SLIT2: variants seen among roughly 807,000 people sequenced by gnomAD.
The protein encoded by SLIT2 is slit homolog 2 protein.
In SLIT2, 41 loss-of-function variants were observed where a neutral mutation model predicts 185.7. The observed-to-expected ratio is 0.22, with a 90% CI of 0.17 to 0.29. The LOEUF (loss-of-function observed/expected upper bound fraction) is 0.29, where lower values mean the gene tolerates loss of function less well. Among genes scored for constraint, SLIT2 ranks in the 10% least tolerant of loss-of-function variants. The pLI, the probability that SLIT2 is intolerant of heterozygous loss-of-function variation, is 1.00. For synonymous variants in SLIT2, 693 were observed against 680.2 expected (o/e 1.02, Z -0.29); for missense variants, 1,571 against 1,909.0 (o/e 0.82, Z 3.30).
intron 5 of SLIT2, among the ~76,000 whole-genome samples, chr4:20,471,748 G>T (rs1156623856): frequency 2.0e-5 from 3 of 152,088 alleles, no homozygotes. Context: ...CCAACAATAT[G>T]AAATTGATGC....
At chr4:20,354,229 A>G (rs1324899491) in intron 4 of SLIT2, among the ~76,000 whole-genome samples, 1 of 145,826 alleles carries the variant, frequency 6.9e-6, no homozygotes, top group Admixed American at 6.8e-5. Flanking sequence ...TTTTTTTTTT[A>G]ACTTTTCCTT....
At chr4:20,438,523 T>C (rs1577659683) in intron 4 of SLIT2, among the ~76,000 whole-genome samples, 1 of 152,240 alleles carries the variant, frequency 6.6e-6, no homozygotes, top group East Asian at 1.9e-4. Flanking sequence ...TCCCACTGGT[T>C]CCCTCCCATA....
intron 4 of SLIT2, among the ~76,000 whole-genome samples, chr4:20,388,774 AG>A (rs368626223): frequency 0.04 from 4,177 of 104,444 alleles, 217 homozygotes; most frequent in African/African-American, 0.14. Context: ...ACTCCGTCTC[AG>A]GGGAAAAAAA....
chr4:20,297,514 C>G (rs1163849709), intron 4 of SLIT2, among the ~76,000 whole-genome samples: 1 of 152,124 alleles, frequency 6.6e-6, no homozygotes, highest in Non-Finnish European at 1.5e-5. Flanking sequence ...AAACCAAGTA[C>G]AGTAAAATCT....
At chr4:20,305,656 T>C (rs930172538) in intron 4 of SLIT2, among the ~76,000 whole-genome samples, 6 of 151,844 alleles carry the variant, frequency 4.0e-5, no homozygotes, top group African/African-American at 1.2e-4. Flanking sequence ...GCAGATCACT[T>C]GAGATCAGGA....
intron 33 of SLIT2, among the ~76,000 whole-genome samples, chr4:20,599,953 A>G (rs1296149595): frequency 2.0e-5 from 3 of 152,210 alleles, no homozygotes; most frequent in Non-Finnish European, 4.4e-5. Context: ...GGAATTTGAT[A>G]TCCACCACTT....
chr4:20,615,217 G>C lies in SLIT2; in HGVS notation c.3848-1693G>C, dbSNP rs555746486. Reference sequence around the variant, plus strand: ...CTTACCCCAGGGCAAGGAATTTTCTGTCACCAGTCCTTTCCTGGAAATGGT... The same window carrying C: ...CTTACCCCAGGGCAAGGAATTTTCTCTCACCAGTCCTTTCCTGGAAATGGT... On this transcript the variant is annotated intron_variant, in intron 34 of 36. Coordinates refer to ENST00000504154, the MANE Select transcript of SLIT2 (RefSeq NM_004787.4). 11 of 152,302 alleles carry C rather than the reference G, an allele frequency of 7.2e-5. 1 individual carries two copies. The South Asian group carries it at 2.3e-3, about 32-fold the overall frequency. The allele number at this position is 152,302 out of a possible 1,614,324, so 9.4% of individuals were successfully genotyped here. A position where few individuals can be genotyped will look rare whatever the true frequency, so the allele number is the denominator to read the frequency against.
chr4:20,272,256 C>A (rs1713703397), intron 4 of SLIT2, among the ~76,000 whole-genome samples: 1 of 142,474 alleles, frequency 7.0e-6, no homozygotes. Context: ...AAATAAGGGA[C>A]GATAGGTTGG....
intron 23 of SLIT2, 132 bp from the exon 24 acceptor site, chr4:20,548,925 A>C: frequency 3.2e-6 from 2 of 616,558 alleles, no homozygotes; most frequent in Non-Finnish European, 5.8e-6. Flanking sequence ...CACACAAAAA[A>C]TAACAATATA....
intron 4 of SLIT2, chr4:20,364,202 G>C: frequency 1.2e-6 from 1 of 866,942 alleles, no homozygotes; most frequent in Non-Finnish European, 1.4e-6. Flanking sequence ...TGGAGCATTT[G>C]TGCCCTGTGG....
At chr4:20,584,056 GA>G (rs1726834601) in intron 29 of SLIT2, among the ~76,000 whole-genome samples, 1 of 151,950 alleles carries the variant, frequency 6.6e-6, no homozygotes, top group African/African-American at 2.4e-5. Context: ...AGCTAAGTGT[GA>G]TACTCCCTCT....
intron 4 of SLIT2, among the ~76,000 whole-genome samples, chr4:20,272,609 G>A (rs61790831): frequency 0.074 from 11,295 of 152,088 alleles, 566 homozygotes; most frequent in Non-Finnish European, 0.12. Context: ...GTAGTACTGC[G>A]GTTAGGCATT....
intron 29 of SLIT2, among the ~76,000 whole-genome samples, chr4:20,578,629 A>C (rs561139676): frequency 1.5e-3 from 229 of 152,284 alleles, no homozygotes; most frequent in Middle Eastern, 3.4e-3. Flanking sequence ...ATTTTTATCT[A>C]TTTCAAAGAG....
At chr4:20,403,318 C>T (rs1335212134) in intron 4 of SLIT2, among the ~76,000 whole-genome samples, 1 of 151,912 alleles carries the variant, frequency 6.6e-6, no homozygotes, top group Non-Finnish European at 1.5e-5. Context: ...TATATTGAAA[C>T]ATACTATTGG....
intron 33 of SLIT2, among the ~76,000 whole-genome samples, chr4:20,600,630 T>G (rs965838362): frequency 4.6e-5 from 7 of 151,934 alleles, no homozygotes; most frequent in African/African-American, 1.7e-4. Flanking sequence ...TTCACCGTGT[T>G]AGCCAGGATG....
chr4:20,503,253 A>G (rs1718897895), intron 9 of SLIT2, among the ~76,000 whole-genome samples: 1 of 152,198 alleles, frequency 6.6e-6, no homozygotes, highest in African/African-American at 2.4e-5. Context: ...TACAATGTGG[A>G]GAATAACTCA....
chr4:20,267,518 G>A (rs890719957), intron 3 of SLIT2, among the ~76,000 whole-genome samples: 11 of 151,726 alleles, frequency 7.2e-5, no homozygotes, highest in Non-Finnish European at 1.0e-4. Context: ...ACCTGGTCTC[G>A]CTTCTCACTT....
chr4:20,258,023 T>C (rs575412905), intron 3 of SLIT2, 84 bp downstream of exon 3: 1 of 725,262 alleles, frequency 1.4e-6, no homozygotes, highest in South Asian at 1.8e-5. Flanking sequence ...GTCTTCAATT[T>C]CATGTCTTAG....
At chr4:20,561,129 G>A (rs777545670) in intron 26 of SLIT2, among the ~76,000 whole-genome samples, 12 of 151,752 alleles carry the variant, frequency 7.9e-5, no homozygotes, top group Non-Finnish European at 1.6e-4. Context: ...AGGGGAGGAG[G>A]CCCAAAAGGG....
Sources: gnomAD v4.1 joint callset for allele counts (sites outside exome capture counted in the v4.1 genomes callset) on GRCh38, gnomAD v4.1.1 for gene constraint, MANE v1.5 for transcripts, NCBI Gene and HGNC (gene_info 2026-07-23, HGNC 2026-07-21) for gene names.